GEMIN5: variants seen among roughly 807,000 people sequenced by gnomAD.
The protein encoded by GEMIN5 is gem nuclear organelle associated protein 5.
Under a neutral mutation model 176.9 loss-of-function variants are expected in GEMIN5, and 124 were observed. The ratio of observed to expected loss-of-function variants is 0.70; its 90% confidence interval spans 0.61 to 0.81. The LOEUF (loss-of-function observed/expected upper bound fraction) is 0.81, where lower values mean the gene tolerates loss of function less well. Among genes scored for constraint, GEMIN5 ranks in the 40% least tolerant of loss-of-function variants. GEMIN5 has a pLI of 0.00. For missense variants in GEMIN5, 1,843 were observed against 1,814.6 expected, an observed-to-expected ratio of 1.02 and a Z score of -0.28; for synonymous variants, 673 against 665.2, an observed-to-expected ratio of 1.01 and a Z score of -0.18.
intron 3 of GEMIN5, among the ~76,000 whole-genome samples, chr5:154,932,610 T>C (rs993052306): frequency 6.6e-6 from 1 of 152,210 alleles, no homozygotes; most frequent in African/African-American, 2.4e-5. Flanking sequence ...TTGCCCAGGC[T>C]GGAGTGCAGT....
At chr5:154,901,822 C>T (rs2113467676) in intron 20 of GEMIN5, among the ~76,000 whole-genome samples, 1 of 150,748 alleles carries the variant, frequency 6.6e-6, no homozygotes. Flanking sequence ...TTTTTTGAGA[C>T]AGGGTCTCAC....
intron 6 of GEMIN5, 107 bp from the exon 7 acceptor site, chr5:154,927,657 T>A: frequency 3.7e-6 from 3 of 816,512 alleles, no homozygotes; most frequent in Non-Finnish European, 5.7e-6. Context: ...TGTTGTCGTT[T>A]AAGGAGAGAA....
At chr5:154,932,278 T>A in intron 3 of GEMIN5, 28 bp from the exon 4 acceptor site, 3 of 1,543,742 alleles carry the variant, frequency 1.9e-6, no homozygotes, top group Non-Finnish European at 8.9e-7. Context: ...GAAATATTAC[T>A]AAAAAAATGA....
In GEMIN5 at chr5:154,924,921, G is replaced by A. The variant is rs1357481629; in HGVS notation, c.1294-367C>T. Among the ~76,000 whole-genome samples the A allele has an allele frequency of 2.0e-5, 3 of 152,078 alleles. No homozygotes were observed. The East Asian group carries it at 5.8e-4, about 29-fold the overall frequency. On this transcript the variant is annotated intron_variant, in intron 8 of 27. Coordinates refer to ENST00000285873, the MANE Select transcript of GEMIN5 (RefSeq NM_015465.5). ...GGAGAAAGGCGTGAACCCGGGAGGC[G>A]GAGCTTGCAGTGAGCCGAGATTGTG...
At position 154,898,430 on chromosome 5, in the gene GEMIN5, A is replaced by G. The variant is rs761686730; in HGVS notation, c.3345+10T>C. 6.2e-7 allele frequency: 1 copy of G among 1,607,032 alleles called. No homozygotes were observed. On this transcript the variant is annotated intron_variant, in intron 23 of 27. Transcript: ENST00000285873. ...CTCTTGTATACTAGGAGATGAAATAACAGACTGACCTGTAGACTTTCATGC... is the reference window on the plus strand; with the variant it reads ...CTCTTGTATACTAGGAGATGAAATAGCAGACTGACCTGTAGACTTTCATGC...
chr5:154,917,139 A>C lies in GEMIN5; in HGVS notation c.1714T>G (p.Cys572Gly), dbSNP rs1763829368. ...AGCTTGTGATGCTGTTGGATAGTAC[A>C]GATCAGTTTCAGGTTGGGAATCTGA... ...IFQIPNLKLI[C>G]TIQQHHKLVN... Residue 572 changes from cysteine (C) to glycine (G), a missense_variant, in exon 13 of 28, where the codon TGT becomes GGT. Coordinates refer to ENST00000285873, the MANE Select transcript of GEMIN5 (RefSeq NM_015465.5). 6.5e-7 allele frequency: 1 copy of C among 1,549,036 alleles called. No homozygotes were observed. Among genetic ancestry groups the C allele is most frequent in the Non-Finnish European group, 8.8e-7 (1 of 1,137,548 alleles).
chr5:154,899,426 T>C (rs2113464466), intron 21 of GEMIN5, 116 bp from the exon 22 acceptor site: 1 of 889,252 alleles, frequency 1.1e-6, no homozygotes, highest in Non-Finnish European at 1.6e-6. Flanking sequence ...TTGTTCCAAC[T>C]TCCTTTAAAA....
At chr5:154,937,251 G>GT (rs1764289032) in intron 1 of GEMIN5, 66 bp from the exon 2 acceptor site, 12 of 1,314,026 alleles carry the variant, frequency 9.1e-6, no homozygotes, top group Non-Finnish European at 1.3e-5. Context: ...GAATCATACT[G>GT]TTGTTGGATG....
intron 3 of GEMIN5, among the ~76,000 whole-genome samples, 186 bp downstream of exon 3, chr5:154,935,655 A>C (rs1351606266): frequency 6.6e-6 from 1 of 152,222 alleles, no homozygotes; most frequent in African/African-American, 2.4e-5. Context: ...GAAACCAAGG[A>C]AACAAAAACG....
At position 154,902,630 on chromosome 5, in the gene GEMIN5, A is replaced by G. The variant is rs1334784310; in HGVS notation, c.2775T>C (p.Leu925=). The change falls in exon 20 of 28, where the codon CTT becomes CTC. Residue 925 remains leucine, a synonymous_variant. Coordinates refer to ENST00000285873, the MANE Select transcript of GEMIN5 (RefSeq NM_015465.5). ...ENGHPELFHQ[L]MLWKGDLKGV... ...CTTTGAGATCTCCTTTCCAAAGCAT[A>G]AGCTGGTGAAATAACTCAGGGTGGC... 6.2e-7 allele frequency: 1 copy of G among 1,614,010 alleles called. No homozygotes were observed. The highest frequency in any genetic ancestry group is 1.1e-5 in the South Asian group (1 of 91,086).
intron 24 of GEMIN5, among the ~76,000 whole-genome samples, chr5:154,894,105 C>T (rs375558071): frequency 1.3e-5 from 2 of 151,980 alleles, no homozygotes; most frequent in African/African-American, 2.4e-5. Context: ...CTACCACACC[C>T]GGCTAATTTT....
intron 25 of GEMIN5, 113 bp downstream of exon 25, chr5:154,892,274 A>G: frequency 2.4e-6 from 2 of 832,438 alleles, no homozygotes; most frequent in South Asian, 1.9e-5. Flanking sequence ...CTAAAATGAC[A>G]CAGCTGGCCA....
intron 18 of GEMIN5, among the ~76,000 whole-genome samples, chr5:154,903,979 T>A (rs759589857): frequency 7.2e-5 from 11 of 151,920 alleles, no homozygotes; most frequent in Non-Finnish European, 1.0e-4. Context: ...ACTTCAAATT[T>A]AAAAAATAAA....
chr5:154,929,391 A>G (rs1456666992), intron 5 of GEMIN5, among the ~76,000 whole-genome samples: 1 of 152,230 alleles, frequency 6.6e-6, no homozygotes, highest in South Asian at 2.1e-4. Flanking sequence ...AAGAAATCCA[A>G]CAAAGAAAAA....
At chr5:154,890,269 T>A (rs554205660) in intron 26 of GEMIN5, among the ~76,000 whole-genome samples, 14 of 152,322 alleles carry the variant, frequency 9.2e-5, no homozygotes, top group African/African-American at 3.4e-4. Flanking sequence ...ATTCAAGTCC[T>A]TTGCCCATCC....
In GEMIN5 at chr5:154,938,095, G is replaced by A; in HGVS notation, c.39C>T (p.Asn13=). The change falls in exon 1 of 28, where the codon AAC becomes AAT. Residue 13 remains asparagine, a synonymous_variant. Coordinates refer to ENST00000285873, the MANE Select transcript of GEMIN5 (RefSeq NM_015465.5). ...QEPRTLPPSP[N]WYCARCSDAV... is the part of the protein sequence containing the mutation. ...CATCGCTGCAGCGGGCGCAGTACCA[G>A]TTGGGGGAGGGCGGCAGCGTCCGCG... 6.9e-7 allele frequency: 1 copy of A among 1,449,946 alleles called. No homozygotes were observed. Among genetic ancestry groups the A allele is most frequent in the Middle Eastern group, 2.1e-4 (1 of 4,818 alleles). 89.8% of individuals were successfully genotyped at this position (1,449,946 alleles called of 1,614,324 possible).
chr5:154,932,355 G>C, intron 3 of GEMIN5, 105 bp from the exon 4 acceptor site: 1 of 772,880 alleles, frequency 1.3e-6, no homozygotes, highest in African/African-American at 1.8e-5. Context: ...CTTAAAGTTA[G>C]GTGCATTTGG....
intron 10 of GEMIN5, 70 bp from the exon 11 acceptor site, chr5:154,920,173 T>C (rs926934982): frequency 4.7e-5 from 58 of 1,232,238 alleles, no homozygotes; most frequent in Non-Finnish European, 6.3e-5. Context: ...TGCTATAGTA[T>C]GACCATACCA....
Position 154,937,969 on chromosome 5 carries a change from T to A in GEMIN5, c.165A>T (p.Arg55=), listed in dbSNP as rs776105402. The A allele has an allele frequency of 3.2e-6, 5 of 1,572,300 alleles. No homozygotes were observed. The Admixed American group carries it at 7.3e-5, about 23-fold the overall frequency. Reference sequence around the variant, plus strand: ...TCGGGCCCAAGGGTGGTGAGTTACCTCGAAACGGGGGTGTCCCTGGACTCT... The same window carrying A: ...TCGGGCCCAAGGGTGGTGAGTTACCACGAAACGGGGGTGTCCCTGGACTCT... ...AGESPGTPPF[R]VIGELVGHTE... Residue 55 remains arginine, a splice_region_variant and synonymous_variant, in exon 1 of 28, where the codon CGA becomes CGT. Transcript: ENST00000285873.
Sources: allele counts gnomAD v4.1 joint callset (sites outside exome capture counted in the v4.1 genomes callset), GRCh38; gene constraint gnomAD v4.1.1; transcripts MANE v1.5; gene names NCBI Gene and HGNC (gene_info 2026-07-23, HGNC 2026-07-21).